COL25A1: variants seen among roughly 807,000 people sequenced by gnomAD.
COL25A1 encodes collagen alpha-1(XXV) chain.
In COL25A1, 103 loss-of-function variants were observed where a neutral mutation model predicts 128.4. That is an observed-to-expected ratio of 0.80 (90% CI 0.68 to 0.94). The LOEUF is 0.94. Ranked by LOEUF, COL25A1 falls within the 40% of genes least tolerant of loss-of-function variation. The pLI is 0.00. For synonymous variants in COL25A1, 279 were observed against 277.2 expected, an observed-to-expected ratio of 1.01 and a Z score of -0.06; for missense variants, 745 against 840.0, an observed-to-expected ratio of 0.89 and a Z score of 1.40.
intron 13 of COL25A1, among the ~76,000 whole-genome samples, chr4:108,913,261 C>CTTT (rs201929872): frequency 7.6e-5 from 7 of 92,404 alleles, no homozygotes; most frequent in South Asian, 1.4e-3. Context: ...TCTCTAGCTC[C>CTTT]TTTTTTTTTT....
intron 8 of COL25A1, among the ~76,000 whole-genome samples, chr4:108,947,285 T>C (rs926689968): frequency 6.6e-6 from 1 of 151,468 alleles, no homozygotes; most frequent in African/African-American, 2.4e-5. Context: ...CTACTAAAAA[T>C]ATGAAAATTA....
intron 3 of COL25A1, among the ~76,000 whole-genome samples, chr4:109,192,375 G>C (rs1445557011): frequency 1.3e-5 from 2 of 152,228 alleles, no homozygotes; most frequent in Admixed American, 6.5e-5. Context: ...ACTGACTACA[G>C]TTATCAGCGG....
chr4:109,124,923 G>A (rs925101179), intron 3 of COL25A1, among the ~76,000 whole-genome samples: 4 of 151,936 alleles, frequency 2.6e-5, no homozygotes, highest in African/African-American at 4.8e-5. Flanking sequence ...ATTTAACTGT[G>A]TTTGATACTG....
intron 8 of COL25A1, among the ~76,000 whole-genome samples, chr4:108,972,511 C>A (rs1752018346): frequency 6.6e-6 from 1 of 152,054 alleles, no homozygotes; most frequent in African/African-American, 2.4e-5. Flanking sequence ...CTGAATGAGA[C>A]CTGCTTGGAA....
intron 10 of COL25A1, among the ~76,000 whole-genome samples, chr4:108,939,838 C>T (rs1747872216): frequency 6.6e-6 from 1 of 151,952 alleles, no homozygotes; most frequent in African/African-American, 2.4e-5. Flanking sequence ...GAAATCAAAC[C>T]ATTTATCTTC....
chr4:108,900,753 T>C (rs1742739056), intron 14 of COL25A1, among the ~76,000 whole-genome samples: 1 of 151,196 alleles, frequency 6.6e-6, no homozygotes. Flanking sequence ...TCATCTTTAG[T>C]AAGGCATGTA....
chr4:109,149,469 T>C (rs775687419), intron 3 of COL25A1, among the ~76,000 whole-genome samples: 1 of 152,186 alleles, frequency 6.6e-6, no homozygotes, highest in Non-Finnish European at 1.5e-5. Context: ...CCTACTCAAA[T>C]ACATAACAGT....
chr4:109,294,400 A>T (rs1936934356), intron 3 of COL25A1, among the ~76,000 whole-genome samples: 2 of 152,144 alleles, frequency 1.3e-5, no homozygotes, highest in South Asian at 4.1e-4. Flanking sequence ...TAACTTTTTT[A>T]AAACAGTCAA....
chr4:108,820,949 ATC>A (rs1190877874), intron 35 of COL25A1, among the ~76,000 whole-genome samples: 2 of 152,200 alleles, frequency 1.3e-5, no homozygotes, highest in Admixed American at 6.5e-5. Flanking sequence ...TAACATCAGT[ATC>A]TCTGCATATT....
At chr4:108,863,764 G>A (rs7694093) in intron 20 of COL25A1, among the ~76,000 whole-genome samples, 9 of 152,178 alleles carry the variant, frequency 5.9e-5, no homozygotes, top group African/African-American at 1.9e-4. Context: ...GAAGAGGAAA[G>A]GCAAACTCTC....
chr4:108,901,157 G>A lies in COL25A1; in HGVS notation c.796C>T (p.Pro266Ser). 1 of 1,611,938 alleles carries A rather than the reference G, an allele frequency of 6.2e-7. No homozygotes were observed. Among genetic ancestry groups the A allele is most frequent in the South Asian group, 1.1e-5 (1 of 90,944 alleles). Residue 266 changes from proline (P) to serine (S), a missense_variant, in exon 14 of 38, where the codon CCT (proline) becomes TCT (serine). By Grantham distance (74) the Pro-to-Ser change is moderately conservative. Around this residue, in one of 3 missense-constraint regions of COL25A1, gnomAD observed 39 missense variants for 73.3 expected, o/e 0.53. Transcript: ENST00000399132. ...MNGQKGEPGL[P>S]GAVGQNGIPG... ...ATTCCATTCTGTCCTACTGCTCCAG[G>A]CAACCCGGGCTCACCCTCAAAATAG...
intron 14 of COL25A1, among the ~76,000 whole-genome samples, chr4:108,900,819 G>C (rs1402662380): frequency 1.3e-5 from 2 of 152,094 alleles, no homozygotes; most frequent in African/African-American, 4.8e-5. Flanking sequence ...TACCCACTAA[G>C]TGGTAAAATG....
chr4:108,948,412 T>G (rs1749023948), intron 8 of COL25A1, among the ~76,000 whole-genome samples: 1 of 152,136 alleles, frequency 6.6e-6, no homozygotes, highest in Non-Finnish European at 1.5e-5. Flanking sequence ...ATGGGAAGAA[T>G]TAGCCTTCTG....
chr4:108,937,619 G>T (rs1747589957), intron 11 of COL25A1, among the ~76,000 whole-genome samples, 189 bp downstream of exon 11: 1 of 151,996 alleles, frequency 6.6e-6, no homozygotes, highest in African/African-American at 2.4e-5. Context: ...TTTTTCTCCT[G>T]CAACAGCAAT....
In COL25A1 at chr4:108,824,001, A is replaced by G. The variant is rs569307340; in HGVS notation, c.1845+173T>C. On this transcript the variant is annotated intron_variant, in intron 35 of 37. Transcript: ENST00000399132. The stretch of plus-strand genomic sequence containing the variant: ...AGGCAGTGCCCTTATATCTGGCAGT[A>G]CAGCCTTCTTCATTCCTCTCTGAAG... 3.8e-6 allele frequency: 6 copies of G among 1,582,502 alleles called. No individual in the cohort carries two copies. The Admixed American group carries it at 1.2e-4, about 31-fold the overall frequency.
At chr4:108,970,112 G>C (rs138635918) in intron 8 of COL25A1, among the ~76,000 whole-genome samples, 104 of 152,172 alleles carry the variant, frequency 6.8e-4, no homozygotes, top group African/African-American at 2.5e-3. Flanking sequence ...ATGATGGCCA[G>C]GCTGGTCTCG....
At chr4:109,053,342 G>A (rs143220452) in intron 3 of COL25A1, among the ~76,000 whole-genome samples, 11 of 152,148 alleles carry the variant, frequency 7.2e-5, no homozygotes, top group East Asian at 1.9e-4. Flanking sequence ...GACAGACCCC[G>A]TTCATCAAAT....
chr4:109,127,209 A>C (rs1383903564), intron 3 of COL25A1, among the ~76,000 whole-genome samples: 1 of 152,232 alleles, frequency 6.6e-6, no homozygotes, highest in Non-Finnish European at 1.5e-5. Context: ...TTTGAGTATG[A>C]GGACCATGCC....
intron 3 of COL25A1, among the ~76,000 whole-genome samples, chr4:109,251,462 G>A (rs914677612): frequency 1.6e-4 from 25 of 152,118 alleles, no homozygotes; most frequent in Admixed American, 1.6e-3. Flanking sequence ...GACACGCTAG[G>A]AGATCCCCTA....
Sources: gnomAD v4.1 joint callset for allele counts (sites outside exome capture counted in the v4.1 genomes callset) on GRCh38, gnomAD v4.1.1 for gene constraint, gnomAD v4.1.1 regional missense constraint, MANE v1.5 for transcripts, NCBI Gene and HGNC (gene_info 2026-07-23, HGNC 2026-07-21) for gene names.